The following SLC22A3 variants were observed in gnomAD, a reference collection of about 807,000 sequenced individuals.
SLC22A3 encodes solute carrier family 22 member 3.
A neutral mutation model predicts 59.1 loss-of-function variants in SLC22A3; 51 were observed. That is an observed-to-expected ratio of 0.86 (90% confidence interval 0.69 to 1.09). SLC22A3 has a LOEUF of 1.09. Among genes scored for constraint, SLC22A3 ranks in the 50% least tolerant of loss-of-function variants. The pLI is 0.00. For synonymous variants in SLC22A3, 325 were observed against 292.0 expected (o/e 1.11, Z -1.15); for missense variants, 711 against 726.3 (o/e 0.98, Z 0.24).
In SLC22A3 at chr6:160,382,435, C is replaced by G. The variant is rs185422040; in HGVS notation, c.430-15544C>G. Among the ~76,000 whole-genome samples, 746 of 152,294 alleles carry G rather than the reference C, an allele frequency of 4.9e-3. 1 individual carries two copies. Among genetic ancestry groups the G allele is most frequent in the Middle Eastern group, 0.014 (4 of 294 alleles). On this transcript the variant is annotated intron_variant, in intron 1 of 10. Transcript: ENST00000275300. ...GCCTGAAACAAAGCAACTGCAGAAG[C>G]TGAAAAATTTAGGGATTTGTCAGTT...
chr6:160,445,969 G>T (rs904349460), intron 9 of SLC22A3, among the ~76,000 whole-genome samples: 14 of 152,310 alleles, frequency 9.2e-5, no homozygotes, highest in Middle Eastern at 6.8e-3. Context: ...AGTAGAGAAT[G>T]GTTGAAGCTG....
At chr6:160,400,971 A>G (rs1464716890) in intron 2 of SLC22A3, among the ~76,000 whole-genome samples, 3 of 143,406 alleles carry the variant, frequency 2.1e-5, no homozygotes, top group Non-Finnish European at 4.6e-5. Context: ...TCCCAGTAGA[A>G]ACCTCCAAAA....
intron 1 of SLC22A3, chr6:160,349,082 G>C: frequency 1.0e-6 from 1 of 985,420 alleles, no homozygotes; most frequent in Non-Finnish European, 1.2e-6. Context: ...CAGATACTTT[G>C]GTTTCGGGTG....
At chr6:160,431,567 A>T (rs1788152285) in intron 5 of SLC22A3, among the ~76,000 whole-genome samples, 2 of 149,094 alleles carry the variant, frequency 1.3e-5, no homozygotes, top group African/African-American at 2.5e-5. Context: ...AACACCTCGT[A>T]TTTTTTTTTT....
chr6:160,449,817 A>G (rs1316043863), intron 10 of SLC22A3, among the ~76,000 whole-genome samples: 2 of 152,212 alleles, frequency 1.3e-5, no homozygotes, highest in Non-Finnish European at 2.9e-5. Flanking sequence ...GTGACATCAC[A>G]TATCGGTAGG....
At chr6:160,413,920 T>A (rs1393821793) in intron 5 of SLC22A3, among the ~76,000 whole-genome samples, 3 of 152,204 alleles carry the variant, frequency 2.0e-5, no homozygotes, top group Admixed American at 6.5e-5. Context: ...TTGGGTTTAT[T>A]TAATTCATAG....
At chr6:160,352,895 C>A (rs2114734247) in intron 1 of SLC22A3, among the ~76,000 whole-genome samples, 1 of 152,316 alleles carries the variant, frequency 6.6e-6, no homozygotes, top group East Asian at 1.9e-4. Flanking sequence ...AATCTCAGCT[C>A]ACTGCAACCT....
intron 5 of SLC22A3, among the ~76,000 whole-genome samples, chr6:160,416,792 C>A (rs528323611): frequency 6.6e-6 from 1 of 152,168 alleles, no homozygotes; most frequent in East Asian, 1.9e-4. Context: ...ATATGATAGA[C>A]AAGTAATAGT....
chr6:160,435,124 AAG>A (rs772304079), intron 5 of SLC22A3, among the ~76,000 whole-genome samples: 3 of 152,192 alleles, frequency 2.0e-5, no homozygotes, highest in Non-Finnish European at 2.9e-5. Flanking sequence ...ACAGTTGAAA[AAG>A]AGGATAGAAA....
chr6:160,359,688 C>T (rs891874801), intron 1 of SLC22A3, among the ~76,000 whole-genome samples: 1 of 152,176 alleles, frequency 6.6e-6, no homozygotes, highest in African/African-American at 2.4e-5. Context: ...GGATTTGATA[C>T]ATCACAAAAC....
At chr6:160,397,595 G>A (rs958929932) in intron 1 of SLC22A3, among the ~76,000 whole-genome samples, 1 of 151,870 alleles carries the variant, frequency 6.6e-6, no homozygotes, top group South Asian at 2.1e-4. Context: ...TTAGATGGGC[G>A]TGGTGGCGCA....
intron 5 of SLC22A3, among the ~76,000 whole-genome samples, chr6:160,421,648 C>T (rs941185606): frequency 6.6e-5 from 10 of 152,166 alleles, no homozygotes; most frequent in Admixed American, 5.2e-4. Flanking sequence ...ATCAGCCACA[C>T]GGGCTTGTTT....
chr6:160,413,067 A>G (rs1337946504), intron 5 of SLC22A3, among the ~76,000 whole-genome samples: 2 of 152,232 alleles, frequency 1.3e-5, no homozygotes, highest in Non-Finnish European at 2.9e-5. Context: ...AAAGGAATCT[A>G]GAAAGGAATA....
intron 5 of SLC22A3, among the ~76,000 whole-genome samples, chr6:160,426,878 G>A (rs979096972): frequency 6.6e-6 from 1 of 152,118 alleles, no homozygotes; most frequent in Admixed American, 6.5e-5. Context: ...CCTGAATAAC[G>A]CCAGCTTGCT....
intron 1 of SLC22A3, among the ~76,000 whole-genome samples, chr6:160,357,646 A>G (rs1378763690): frequency 1.3e-5 from 2 of 152,224 alleles, no homozygotes; most frequent in Non-Finnish European, 1.5e-5. Context: ...CTGTTGAGAA[A>G]TGAATGCCCT....
At chr6:160,420,115 C>G (rs1787666667) in intron 5 of SLC22A3, among the ~76,000 whole-genome samples, 1 of 152,170 alleles carries the variant, frequency 6.6e-6, no homozygotes, top group Non-Finnish European at 1.5e-5. Flanking sequence ...TTTCCTTCCC[C>G]AAATGGAAAC....
chr6:160,434,224 A>T (rs892260928), intron 5 of SLC22A3, among the ~76,000 whole-genome samples: 3 of 152,204 alleles, frequency 2.0e-5, no homozygotes, highest in African/African-American at 7.2e-5. Flanking sequence ...ATCTAGTCAA[A>T]TTTTTTTCAT....
intron 5 of SLC22A3, among the ~76,000 whole-genome samples, chr6:160,414,606 A>C (rs1361745246): frequency 9.2e-5 from 14 of 152,346 alleles, no homozygotes; most frequent in African/African-American, 3.1e-4. Flanking sequence ...GGGAGGCCTC[A>C]GGAAACTTAC....
chr6:160,450,122 C>T (rs981813849), intron 10 of SLC22A3, among the ~76,000 whole-genome samples: 14 of 152,140 alleles, frequency 9.2e-5, no homozygotes, highest in East Asian at 5.8e-4. Flanking sequence ...TTTACCAGGG[C>T]GGGGTTTCCC....
Sources: gnomAD v4.1 joint callset for allele counts (sites outside exome capture counted in the v4.1 genomes callset) on GRCh38, gnomAD v4.1.1 for gene constraint, MANE v1.5 for transcripts, NCBI Gene and HGNC (gene_info 2026-07-23, HGNC 2026-07-21) for gene names.